CAMK1D: variants seen among roughly 807,000 people sequenced by gnomAD.
CAMK1D encodes the protein calcium/calmodulin dependent protein kinase ID.
Under a neutral mutation model 47.7 loss-of-function variants are expected in CAMK1D, and 9 were observed. The ratio of observed to expected loss-of-function variants is 0.19; its 90% CI spans 0.11 to 0.33. CAMK1D has a LOEUF of 0.33. Among genes scored for constraint, CAMK1D ranks in the 10% least tolerant of loss-of-function variants. The pLI is 1.00. For missense variants in CAMK1D, 291 were observed against 488.7 expected (o/e 0.60, Z 3.81); for synonymous variants, 184 against 184.9 (o/e 0.99, Z 0.04).
chr10:12,715,354 C>T (rs1300206352), intron 3 of CAMK1D, among the ~76,000 whole-genome samples: 1 of 152,204 alleles, frequency 6.6e-6, no homozygotes, highest in Non-Finnish European at 1.5e-5. Flanking sequence ...TGCATGACTA[C>T]TGCGATATCT....
chr10:12,517,989 G>A (rs952113260), intron 1 of CAMK1D, among the ~76,000 whole-genome samples: 2 of 152,106 alleles, frequency 1.3e-5, no homozygotes, highest in Admixed American at 1.3e-4. Context: ...AATTCTTGGT[G>A]CAATTCATCA....
At chr10:12,373,488 C>T (rs1838066418) in intron 1 of CAMK1D, among the ~76,000 whole-genome samples, 2 of 149,382 alleles carry the variant, frequency 1.3e-5, no homozygotes, top group African/African-American at 2.5e-5. Context: ...AAGAATTAGC[C>T]AGGCGTAGTG....
intron 5 of CAMK1D, among the ~76,000 whole-genome samples, chr10:12,784,939 G>A (rs1021628909): frequency 6.6e-6 from 1 of 152,214 alleles, no homozygotes; most frequent in Non-Finnish European, 1.5e-5. Flanking sequence ...TGATTTGACA[G>A]TGGGATTTAT....
At chr10:12,370,750 A>G (rs2131855569) in intron 1 of CAMK1D, among the ~76,000 whole-genome samples, 1 of 152,288 alleles carries the variant, frequency 6.6e-6, no homozygotes, top group Non-Finnish European at 1.5e-5. Flanking sequence ...CTGGGACTAC[A>G]GGCATGCGCC....
At chr10:12,620,783 A>G (rs142619091) in intron 2 of CAMK1D, among the ~76,000 whole-genome samples, 35 of 152,128 alleles carry the variant, frequency 2.3e-4, no homozygotes, top group Admixed American at 4.6e-4. Context: ...ATGAAGTCCA[A>G]TTTTTCTTTT....
chr10:12,651,691 AC>A (rs1839970869), intron 2 of CAMK1D, among the ~76,000 whole-genome samples: 1 of 150,478 alleles, frequency 6.6e-6, no homozygotes, highest in Admixed American at 6.6e-5. Context: ...CGTGAGCCAT[AC>A]TGCCTGGACA....
chr10:12,353,780 A>C (rs1233691643), intron 1 of CAMK1D, among the ~76,000 whole-genome samples: 1 of 152,142 alleles, frequency 6.6e-6, no homozygotes, highest in Non-Finnish European at 1.5e-5. Context: ...TCTATTAATC[A>C]ACATGTTTTC....
At chr10:12,391,062 A>T (rs990809400) in intron 1 of CAMK1D, among the ~76,000 whole-genome samples, 1 of 152,128 alleles carries the variant, frequency 6.6e-6, no homozygotes, top group Admixed American at 6.6e-5. Context: ...TTGGGCCAAC[A>T]CTGTCTTCTC....
intron 1 of CAMK1D, among the ~76,000 whole-genome samples, chr10:12,454,724 A>G (rs1328477211): frequency 6.6e-6 from 1 of 152,086 alleles, no homozygotes; most frequent in Non-Finnish European, 1.5e-5. Flanking sequence ...CAGCCCCTAA[A>G]AGTGCTGGGA....
At chr10:12,805,216 G>A (rs192072043) in intron 6 of CAMK1D, among the ~76,000 whole-genome samples, 64 of 151,312 alleles carry the variant, frequency 4.2e-4, no homozygotes, top group African/African-American at 1.2e-3. Context: ...CCGAGATTGC[G>A]CCACTGCACA....
chr10:12,696,603 C>T lies in CAMK1D; in HGVS notation c.299+29793C>T, dbSNP rs186923164. 2.0e-5 allele frequency among the ~76,000 whole-genome samples: 3 copies of T among 152,284 alleles called. No individual in the cohort carries two copies. In the East Asian group the frequency reaches 5.8e-4, roughly 29 times the overall value. ...GGAATGCTTTCACAAATAGCCGTCT[C>T]CTTCAGTTGTATATTCATATTCATG... On this transcript the variant is annotated intron_variant, in intron 3 of 10. Coordinates refer to ENST00000619168, the MANE Select transcript of CAMK1D (RefSeq NM_153498.4).
At chr10:12,659,342 A>G (rs1396873732) in intron 2 of CAMK1D, among the ~76,000 whole-genome samples, 1 of 152,226 alleles carries the variant, frequency 6.6e-6, no homozygotes, top group Non-Finnish European at 1.5e-5. Flanking sequence ...GAAAATGGAT[A>G]GGAAGAGAGT....
At chr10:12,353,611 G>A (rs1322608113) in intron 1 of CAMK1D, among the ~76,000 whole-genome samples, 1 of 152,148 alleles carries the variant, frequency 6.6e-6, no homozygotes, top group Non-Finnish European at 1.5e-5. Flanking sequence ...ATAAGAGAAA[G>A]GACTGGGCTT....
chr10:12,427,698 C>CTTTTTTTTTTTTTTTTT (rs1588474191), intron 1 of CAMK1D, among the ~76,000 whole-genome samples: 7 of 27,382 alleles, frequency 2.6e-4, no homozygotes, highest in East Asian at 2.1e-3. Context: ...ACTGAACTTA[C>CTTTTTTTTTTTTTTTTT]TGTTTTTTTT....
intron 1 of CAMK1D, among the ~76,000 whole-genome samples, chr10:12,523,386 A>G (rs1835504978): frequency 6.6e-6 from 1 of 152,170 alleles, no homozygotes; most frequent in Non-Finnish European, 1.5e-5. Flanking sequence ...TGGGAGGCCA[A>G]GGCAGGCGGC....
intron 1 of CAMK1D, among the ~76,000 whole-genome samples, chr10:12,397,426 C>G (rs145970073): frequency 6.6e-6 from 1 of 152,186 alleles, no homozygotes; most frequent in Non-Finnish European, 1.5e-5. Context: ...TTCCCCCACA[C>G]GGCTTTGCAG....
chr10:12,601,079 C>T (rs886250561), intron 2 of CAMK1D, among the ~76,000 whole-genome samples: 3 of 151,918 alleles, frequency 2.0e-5, no homozygotes, highest in Admixed American at 6.6e-5. Context: ...GTGGGTGGTG[C>T]GGTGGTAGAC....
Position 12,349,803 on chromosome 10 carries a change from G to A in CAMK1D, c.-16G>A, listed in dbSNP as rs752724838. 2.9e-6 allele frequency: 4 copies of A among 1,387,478 alleles called. No individual in the cohort carries two copies. In the South Asian group the frequency reaches 4.0e-5, roughly 14 times the overall value. 85.9% of individuals were successfully genotyped at this position (1,387,478 alleles called of 1,614,324 possible). A position where few individuals can be genotyped will look rare whatever the true frequency, so the allele number is the denominator to read the frequency against. ...AGCGCGCCCCCGGCCGCTCCTCCGCGCCGCGCTCGTCGGCCATGGCCCGGG... is the reference window on the plus strand; with the variant it reads ...AGCGCGCCCCCGGCCGCTCCTCCGCACCGCGCTCGTCGGCCATGGCCCGGG... On this transcript the variant is annotated 5_prime_UTR_variant, in exon 1 of 11. Transcript: ENST00000619168.
At chr10:12,433,905 T>C (rs956899520) in intron 1 of CAMK1D, among the ~76,000 whole-genome samples, 2 of 152,186 alleles carry the variant, frequency 1.3e-5, no homozygotes, top group African/African-American at 4.8e-5. Flanking sequence ...CCCCAGTGCA[T>C]CCTTCTGTCT....
Sources: allele counts gnomAD v4.1 joint callset (sites outside exome capture counted in the v4.1 genomes callset), GRCh38; gene constraint gnomAD v4.1.1; transcripts MANE v1.5; gene names NCBI Gene and HGNC (gene_info 2026-07-23, HGNC 2026-07-21).